ACOX3: variants seen among roughly 807,000 people sequenced by gnomAD.
ACOX3 encodes the protein acyl-CoA oxidase 3, pristanoyl, also known as peroxisomal acyl-coenzyme A oxidase 3.
Under a neutral mutation model 81.5 loss-of-function variants are expected in ACOX3, and 73 were observed. The ratio of observed to expected loss-of-function variants is 0.90; its 90% CI spans 0.74 to 1.09. The LOEUF (loss-of-function observed/expected upper bound fraction) is 1.09. Among genes scored for constraint, ACOX3 ranks in the 50% least tolerant of loss-of-function variants. ACOX3 has a pLI of 0.00. For missense variants in ACOX3, 947 were observed against 928.0 expected, an observed-to-expected ratio of 1.02 and a Z score of -0.27; for synonymous variants, 387 against 375.1, an observed-to-expected ratio of 1.03 and a Z score of -0.37.
rs1560164592 is a variant in ACOX3, at chr4:8,371,006, C to G, written c.1897-12G>C. On this transcript the variant is annotated splice_polypyrimidine_tract_variant and intron_variant, in intron 16 of 17. Transcript: ENST00000356406. Reference sequence around the variant, plus strand: ...GCATCGTCTTTCAGCTGTTGGAAAACAAAGCCCAGACACTTGGCACCTCCC... The same window carrying G: ...GCATCGTCTTTCAGCTGTTGGAAAAGAAAGCCCAGACACTTGGCACCTCCC... 1 of 1,613,438 alleles carries G rather than the reference C, an allele frequency of 6.2e-7. No homozygotes were observed. Among genetic ancestry groups the G allele is most frequent in the African/African-American group, 1.3e-5 (1 of 74,928 alleles).
intron 1 of ACOX3, among the ~76,000 whole-genome samples, chr4:8,433,984 A>G (rs1255206568): frequency 6.6e-6 from 1 of 152,190 alleles, no homozygotes; most frequent in Non-Finnish European, 1.5e-5. Context: ...AAAAAGTTAG[A>G]AAGAAACAAA....
intron 7 of ACOX3, among the ~76,000 whole-genome samples, chr4:8,403,003 G>A (rs1720537929): frequency 1.3e-5 from 2 of 152,182 alleles, no homozygotes; most frequent in African/African-American, 4.8e-5. Flanking sequence ...TCAGCTCAGG[G>A]CAAACGCACG....
chr4:8,406,081 T>C lies in ACOX3; in HGVS notation c.688-38A>G, dbSNP rs983391699. 27 of 1,588,994 alleles carry C rather than the reference T, an allele frequency of 1.7e-5. No homozygotes were observed. The highest frequency in any genetic ancestry group is 2.2e-5 in the Non-Finnish European group (26 of 1,157,864). On this transcript the variant is annotated intron_variant, in intron 6 of 17. Transcript: ENST00000356406. This position sits in a 1 kb window ranked among gnomAD's most constrained non-coding sequence, Gnocchi z 5.6. ...ACAGAAAGCAGCAAACAGCAACTGTTACAATCACACAAAAATCAAAACAAA... is the reference window on the plus strand; with the variant it reads ...ACAGAAAGCAGCAAACAGCAACTGTCACAATCACACAAAAATCAAAACAAA...
Position 8,414,437 on chromosome 4 carries a change from C to G in ACOX3, c.454-56G>C. ...CAAGAAAAGTTCTTTGTGCACATTC[C>G]CAGAAGGACCTCACTGCCATCTTTC... On this transcript the variant is annotated intron_variant, in intron 4 of 17. Transcript: ENST00000356406. The surrounding 1 kb of genome is among the most constrained non-coding windows in gnomAD (Gnocchi z 6.1). 11 of 1,453,810 alleles carry G rather than the reference C, an allele frequency of 7.6e-6. No homozygotes were observed. The highest frequency in any genetic ancestry group is 1.1e-5 in the Non-Finnish European group (11 of 1,035,258). The allele number at this position is 1,453,810 out of a possible 1,614,324, so 90.1% of individuals were successfully genotyped here.
At chr4:8,392,061 C>T (rs1272255486) in intron 11 of ACOX3, among the ~76,000 whole-genome samples, 2 of 152,212 alleles carry the variant, frequency 1.3e-5, no homozygotes, top group Non-Finnish European at 2.9e-5. Context: ...ACTTGTTCTG[C>T]AATGGACCAG....
Position 8,423,469 on chromosome 4 carries a change from C to T in ACOX3, c.-14-6934G>A, listed in dbSNP as rs1287502567. Among the ~76,000 whole-genome samples the T allele has an allele frequency of 1.3e-5, 2 of 152,140 alleles. No individual in the cohort carries two copies. Among genetic ancestry groups the T allele is most frequent in the East Asian group, 3.9e-4 (2 of 5,194 alleles). On this transcript the variant is annotated intron_variant, in intron 1 of 17. Coordinates refer to ENST00000356406, the MANE Select transcript of ACOX3 (RefSeq NM_003501.3). The surrounding 1 kb of genome is among the most constrained non-coding windows in gnomAD (Gnocchi z 4.2). ...CTTTCCCCACCAAAGGCAGTACCCT[C>T]TTAGACCCGAGGCCCAACAAGGACT... is the stretch of plus-strand genomic sequence containing the variant.
rs527928726 is a variant in ACOX3 at position 8,366,940 on chromosome 4, G to A, written c.*21C>T. 1 of 1,612,644 alleles carries A rather than the reference G, an allele frequency of 6.2e-7. No individual in the cohort carries two copies. The highest frequency in any genetic ancestry group is 2.2e-5 in the East Asian group (1 of 44,822). Reference sequence around the variant, plus strand: ...AGTTCCCTTCGTTTCATTAGACTTGGCTGAATGTGTGCCAGTCCCACTAGA... The same window carrying A: ...AGTTCCCTTCGTTTCATTAGACTTGACTGAATGTGTGCCAGTCCCACTAGA... On this transcript the variant is annotated 3_prime_UTR_variant, in exon 18 of 18. Transcript: ENST00000356406.
In ACOX3 at chr4:8,432,219, G is replaced by A. The variant is rs187807913; in HGVS notation, c.-15+8429C>T. ...ACAAATGGCTGTCCCTATGGCAAATGTTACTGGCTTGAGCCAATGAATTTT... is the reference window on the plus strand; with the variant it reads ...ACAAATGGCTGTCCCTATGGCAAATATTACTGGCTTGAGCCAATGAATTTT... On this transcript the variant is annotated intron_variant, in intron 1 of 17. Transcript: ENST00000356406. This position sits in a 1 kb window ranked among gnomAD's most constrained non-coding sequence, Gnocchi z 6.2. 7.2e-5 allele frequency among the ~76,000 whole-genome samples: 11 copies of A among 152,298 alleles called. No homozygotes were observed. In the East Asian group the frequency reaches 1.4e-3, roughly 19 times the overall value.
downstream of ACOX3, among the ~76,000 whole-genome samples, chr4:8,364,624 GGTGACATC>G (rs1715317265): frequency 1.3e-5 from 2 of 152,190 alleles, no homozygotes; most frequent in African/African-American, 2.4e-5. The surrounding 1 kb of genome is among the most constrained non-coding windows in gnomAD (Gnocchi z 5.0). Flanking sequence ...TGTCTGACAT[GGTGACATC>G]GTGACATCAC....
At chr4:8,397,986 C>T (rs1391087254) in intron 8 of ACOX3, among the ~76,000 whole-genome samples, 1 of 152,218 alleles carries the variant, frequency 6.6e-6, no homozygotes, top group Non-Finnish European at 1.5e-5. Flanking sequence ...CATGGTGAAA[C>T]ACCGTCTCTA....
At chr4:8,436,925 G>C (rs1410316329) in intron 1 of ACOX3, among the ~76,000 whole-genome samples, 6 of 146,350 alleles carry the variant, frequency 4.1e-5, no homozygotes, top group African/African-American at 1.5e-4. Context: ...CTGGGAGGTG[G>C]AGTTTGCAGT....
chr4:8,368,467 A>T lies in ACOX3; in HGVS notation c.1984-1387T>A, dbSNP rs190505207. On this transcript the variant is annotated intron_variant, in intron 17 of 17. Transcript: ENST00000356406. The surrounding 1 kb of genome is among the most constrained non-coding windows in gnomAD (Gnocchi z 5.9). The stretch of plus-strand genomic sequence containing the variant: ...CAGCTTACGCTGACCCATTTTATTG[A>T]GAAGAAACCCCTCTGCCTGCACCCG... 3.0e-4 allele frequency among the ~76,000 whole-genome samples: 45 copies of T among 152,294 alleles called. No homozygotes were observed. The highest frequency in any genetic ancestry group is 9.1e-4 in the African/African-American group (38 of 41,574).
Position 8,399,984 on chromosome 4 carries a change from C to T in ACOX3, c.777-332G>A, listed in dbSNP as rs765729312. Among the ~76,000 whole-genome samples the T allele has an allele frequency of 1.1e-4, 17 of 152,100 alleles. No homozygotes were observed. Among genetic ancestry groups the T allele is most frequent in the African/African-American group, 3.4e-4 (14 of 41,412 alleles). Reference sequence around the variant, plus strand: ...AAAATAGGCTGGGTGTGGTGGCTTACGCCTGTAATCCCAGCACTTTGGGAG... The same window carrying T: ...AAAATAGGCTGGGTGTGGTGGCTTATGCCTGTAATCCCAGCACTTTGGGAG... On this transcript the variant is annotated intron_variant, in intron 7 of 17. Coordinates refer to ENST00000356406, the MANE Select transcript of ACOX3 (RefSeq NM_003501.3). The surrounding 1 kb of genome is among the most constrained non-coding windows in gnomAD (Gnocchi z 4.9).
chr4:8,424,744 A>G (rs998862501), intron 1 of ACOX3, among the ~76,000 whole-genome samples: 17 of 152,240 alleles, frequency 1.1e-4, no homozygotes, highest in African/African-American at 3.9e-4. Flanking sequence ...AGAAAAGATA[A>G]AACATAACTG....
rs920410698 is a variant in ACOX3, at chr4:8,386,900, GGCT to G, written c.1537+2270_1537+2272del. On this transcript the variant is annotated intron_variant, in intron 13 of 17. Transcript: ENST00000356406. The surrounding 1 kb of genome is among the most constrained non-coding windows in gnomAD (Gnocchi z 5.2). ...AGACGGACAAGGACACACGCTCGGG[GGCT>G]GCTATCACATCCACGGCGTCGGTCC... is the stretch of plus-strand genomic sequence containing the variant. Among the ~76,000 whole-genome samples the G allele has an allele frequency of 1.3e-5, 2 of 152,208 alleles. No individual in the cohort carries two copies. The highest frequency in any genetic ancestry group is 4.8e-5 in the African/African-American group (2 of 41,450).
intron 11 of ACOX3, among the ~76,000 whole-genome samples, chr4:8,392,083 T>G (rs1719058668): frequency 6.6e-6 from 1 of 152,242 alleles, no homozygotes; most frequent in African/African-American, 2.4e-5. Flanking sequence ...GAGTAAATAT[T>G]TTCAGCTCTG....
chr4:8,417,542 C>A (rs1400176660), intron 1 of ACOX3, among the ~76,000 whole-genome samples: 2 of 152,340 alleles, frequency 1.3e-5, no homozygotes, highest in East Asian at 1.9e-4. Context: ...TTTCCCAAAC[C>A]CCCTCCGCTG....
intron 6 of ACOX3, among the ~76,000 whole-genome samples, chr4:8,409,658 T>G (rs1001237907): frequency 2.1e-5 from 3 of 139,696 alleles, no homozygotes; most frequent in African/African-American, 8.2e-5. Flanking sequence ...CTGTGCACTG[T>G]GGGCAGGACT....
intron 1 of ACOX3, among the ~76,000 whole-genome samples, chr4:8,417,230 AGTCT>A (rs1011084123): frequency 6.6e-6 from 1 of 152,242 alleles, no homozygotes; most frequent in Admixed American, 6.5e-5. Context: ...GGTGAACCCA[AGTCT>A]GTCTGAGTCC....
Sources: allele counts gnomAD v4.1 joint callset (sites outside exome capture counted in the v4.1 genomes callset), GRCh38; gene constraint gnomAD v4.1.1; non-coding constraint Gnocchi (gnomAD v3.1); transcripts MANE v1.5; gene names NCBI Gene and HGNC (gene_info 2026-07-23, HGNC 2026-07-21).